EIF4G3: variants seen among roughly 807,000 people sequenced by gnomAD.
The protein encoded by EIF4G3 is eukaryotic translation initiation factor 4 gamma 3.
A neutral mutation model predicts 186.4 loss-of-function variants in EIF4G3; 34 were observed. The observed-to-expected ratio is 0.18, with a 90% CI of 0.14 to 0.24. The LOEUF is 0.24. Among genes scored for constraint, EIF4G3 ranks in the 10% least tolerant of loss-of-function variants. The pLI is 1.00. For missense variants in EIF4G3, 1,536 were observed against 1,948.5 expected (o/e 0.79, Z 3.99); for synonymous variants, 673 against 679.5 (o/e 0.99, Z 0.15).
At chr1:21,070,252 C>CT in intron 3 of EIF4G3, among the ~76,000 whole-genome samples, 1 of 152,106 alleles carries the variant, frequency 6.6e-6, no homozygotes, top group South Asian at 2.1e-4. Context: ...AAGTTTGATG[C>CT]TTACTTTCTC....
chr1:20,830,369 T>A (rs11805169), intron 30 of EIF4G3, among the ~76,000 whole-genome samples: 50,933 of 152,090 alleles, frequency 0.33, 9,198 homozygotes, highest in Non-Finnish European at 0.4. Flanking sequence ...GCTTCATGAA[T>A]CCTTAATTCC....
intron 8 of EIF4G3, 41 bp downstream of exon 8, chr1:20,982,347 C>CT: frequency 1.4e-6 from 2 of 1,445,276 alleles, no homozygotes; most frequent in Non-Finnish European, 1.8e-6. Context: ...AATAAGCAGA[C>CT]TGAGTTATAA....
At chr1:20,823,074 T>G (rs1427812635) in intron 33 of EIF4G3, among the ~76,000 whole-genome samples, 5 of 152,188 alleles carry the variant, frequency 3.3e-5, no homozygotes, top group South Asian at 4.1e-4. Flanking sequence ...GTAATGTGCT[T>G]CTTCTTCCCA....
chr1:21,077,889 A>AG (rs1427030778), intron 3 of EIF4G3, among the ~76,000 whole-genome samples: 1 of 151,870 alleles, frequency 6.6e-6, no homozygotes, highest in Non-Finnish European at 1.5e-5. Flanking sequence ...CTCAAAAAAA[A>AG]AAAAAAAACA....
intron 4 of EIF4G3, among the ~76,000 whole-genome samples, chr1:21,024,695 T>C (rs1468135618): frequency 6.7e-6 from 1 of 150,182 alleles, no homozygotes; most frequent in Non-Finnish European, 1.5e-5. Flanking sequence ...GAAGGCAGCA[T>C]GCTCGTTAAG....
Position 20,849,542 on chromosome 1 carries a change from G to A in EIF4G3, c.3773-12C>T. 2.2e-6 allele frequency: 3 copies of A among 1,387,834 alleles called. No individual in the cohort carries two copies. Among genetic ancestry groups the A allele is most frequent in the Non-Finnish European group, 2.9e-6 (3 of 1,028,412 alleles). 86.0% of individuals were successfully genotyped at this position (1,387,834 alleles called of 1,614,324 possible). On this transcript the variant is annotated splice_polypyrimidine_tract_variant and intron_variant, in intron 28 of 36. Transcript: ENST00000602326. ...AATTTCTGGTTTTGCTATTAGTGAG[G>A]CCCCCCAAAAAAAGTAAAAATAATA...
intron 2 of EIF4G3, among the ~76,000 whole-genome samples, chr1:21,137,781 T>C (rs2097271789): frequency 6.9e-6 from 1 of 145,792 alleles, no homozygotes; most frequent in Admixed American, 7.1e-5. Flanking sequence ...AATGGGCCAC[T>C]GCACTCCAGC....
At chr1:21,110,101 G>A (rs542836130) in intron 2 of EIF4G3, among the ~76,000 whole-genome samples, 153 of 152,112 alleles carry the variant, frequency 1.0e-3, no homozygotes, top group African/African-American at 3.5e-3. Context: ...AAATTGTAAA[G>A]TAGAAACTTT....
intron 10 of EIF4G3, among the ~76,000 whole-genome samples, chr1:20,974,810 C>T (rs2076526758): frequency 6.6e-6 from 1 of 152,032 alleles, no homozygotes; most frequent in Non-Finnish European, 1.5e-5. Context: ...TAAATGGGTA[C>T]AGGATGGGAT....
chr1:21,000,534 G>A lies in EIF4G3; in HGVS notation c.144+665C>T, dbSNP rs575776443. Among the ~76,000 whole-genome samples, 16 of 150,600 alleles carry A rather than the reference G, an allele frequency of 1.1e-4. No homozygotes were observed. In the South Asian group the frequency reaches 3.3e-3, roughly 31 times the overall value. ...ATGAGACTAGACTATGACAACTTGG[G>A]ACGTAAACAGAAAATGCAATCCTGC... On this transcript the variant is annotated intron_variant, in intron 6 of 36. Coordinates refer to ENST00000602326, the MANE Select transcript of EIF4G3 (RefSeq NM_001391906.1).
At chr1:20,830,784 A>C (rs1230859964) in intron 30 of EIF4G3, among the ~76,000 whole-genome samples, 3 of 152,216 alleles carry the variant, frequency 2.0e-5, no homozygotes, top group Admixed American at 1.3e-4. Flanking sequence ...ATCAGTGGTC[A>C]AATCTATACT....
At chr1:21,023,511 C>A (rs12048591) in intron 4 of EIF4G3, among the ~76,000 whole-genome samples, 5 of 151,874 alleles carry the variant, frequency 3.3e-5, no homozygotes, top group Admixed American at 1.3e-4. Flanking sequence ...CCGCCAGCCT[C>A]GGCCTCCCGA....
At chr1:20,973,490 C>T (rs2076279331) in intron 10 of EIF4G3, among the ~76,000 whole-genome samples, 1 of 152,144 alleles carries the variant, frequency 6.6e-6, no homozygotes. Context: ...TGGGTTTTGT[C>T]AGGGACAGAA....
intron 2 of EIF4G3, among the ~76,000 whole-genome samples, chr1:21,109,984 C>A (rs1451129533): frequency 6.6e-6 from 1 of 152,032 alleles, no homozygotes; most frequent in Admixed American, 6.6e-5. Flanking sequence ...GGAAACGTTT[C>A]GCTATGTTGA....
intron 35 of EIF4G3, 145 bp downstream of exon 35, chr1:20,813,013 G>T (rs1022623656): frequency 3.1e-5 from 18 of 580,380 alleles, no homozygotes; most frequent in Non-Finnish European, 4.9e-5. Flanking sequence ...AGACAACCAG[G>T]CATCACAGAC....
chr1:21,166,140 T>G (rs1242633785), intron 2 of EIF4G3, among the ~76,000 whole-genome samples: 1 of 129,566 alleles, frequency 7.7e-6, no homozygotes, highest in East Asian at 2.1e-4. Context: ...AAATTCATAC[T>G]TCCATGCCAG....
intron 29 of EIF4G3, among the ~76,000 whole-genome samples, chr1:20,844,606 G>C (rs997845955): frequency 9.2e-5 from 14 of 151,938 alleles, no homozygotes; most frequent in African/African-American, 3.4e-4. Flanking sequence ...TTTGGGATGC[G>C]GATCACCTGA....
chr1:21,088,840 G>A lies in EIF4G3; in HGVS notation c.-196+298C>T, dbSNP rs759338694. Among the ~76,000 whole-genome samples the A allele has an allele frequency of 5.2e-4, 79 of 152,054 alleles. 1 individual carries two copies. The highest frequency in any genetic ancestry group is 3.2e-4 in the Non-Finnish European group (22 of 68,012). ...AGATCACACCACTGCACTCCAGCCT[G>A]GGTGACACAGTGAAACTCTGTCTCA... On this transcript the variant is annotated intron_variant, in intron 3 of 36. Coordinates refer to ENST00000602326, the MANE Select transcript of EIF4G3 (RefSeq NM_001391906.1).
At chr1:20,974,574 G>A (rs1005423793) in intron 10 of EIF4G3, among the ~76,000 whole-genome samples, 7 of 152,078 alleles carry the variant, frequency 4.6e-5, no homozygotes, top group South Asian at 2.1e-4. Flanking sequence ...AAGAGAAGAC[G>A]GAAAATGAAA....
Sources: allele counts gnomAD v4.1 joint callset (sites outside exome capture counted in the v4.1 genomes callset), GRCh38; gene constraint gnomAD v4.1.1; transcripts MANE v1.5; gene names NCBI Gene and HGNC (gene_info 2026-07-23, HGNC 2026-07-21).